The following TECPR2 variants were observed in gnomAD, a reference collection of about 807,000 sequenced individuals.
TECPR2 encodes the protein tectonin beta-propeller repeat-containing protein 2.
TECPR2 carries 65 observed loss-of-function variants against 138.1 expected under a neutral mutation model. The observed-to-expected ratio is 0.47, with a 90% CI of 0.39 to 0.58. TECPR2 has a LOEUF of 0.58. TECPR2 is among the 20% of genes least tolerant of loss of function. The probability of loss-of-function intolerance (pLI) is 0.00; values close to 1 mark genes in which losing one functional copy is unlikely to be tolerated. For missense variants in TECPR2, 1,553 were observed against 1,824.5 expected (o/e 0.85, Z 2.71); for synonymous variants, 746 against 749.8 (o/e 0.99, Z 0.08).
At chr14:102,421,681 T>C (rs776418192) in intron 5 of TECPR2, among the ~76,000 whole-genome samples, 2 of 152,178 alleles carry the variant, frequency 1.3e-5, no homozygotes, top group Non-Finnish European at 2.9e-5. Flanking sequence ...TTCAGGACAA[T>C]TGAGCACTTA....
Position 102,498,815 on chromosome 14 carries a change from A to C in TECPR2, c.*558A>C, listed in dbSNP as rs1246701031. ...CCAGGAAGCTGAGGCCGGGCTTGAG[A>C]GGAGAGCGCTGGCCATGCCAGGAGA... On this transcript the variant is annotated 3_prime_UTR_variant, in exon 20 of 20. Coordinates refer to ENST00000359520, the MANE Select transcript of TECPR2 (RefSeq NM_014844.5). The C allele has an allele frequency of 1.7e-6, 1 of 574,728 alleles. No homozygotes were observed. The highest frequency in any genetic ancestry group is 3.3e-6 in the Non-Finnish European group (1 of 301,632). 35.6% of individuals were successfully genotyped at this position (574,728 alleles called of 1,614,324 possible). A position where few individuals can be genotyped will look rare whatever the true frequency, so the allele number is the denominator to read the frequency against.
At chr14:102,453,566 G>A (rs538435247) in intron 16 of TECPR2, among the ~76,000 whole-genome samples, 181 of 152,028 alleles carry the variant, frequency 1.2e-3, no homozygotes, top group Non-Finnish European at 1.8e-4. Context: ...AATAACATAA[G>A]CCCACAACAT....
chr14:102,432,298 TAC>T (rs10650505), intron 8 of TECPR2, among the ~76,000 whole-genome samples, 170 bp downstream of exon 8: 104 of 148,408 alleles, frequency 7.0e-4, no homozygotes, highest in East Asian at 5.9e-3. Context: ...TAACGGAAAA[TAC>T]ACACACACAC....
intron 1 of TECPR2, among the ~76,000 whole-genome samples, chr14:102,365,185 T>G (rs1270383845): frequency 6.6e-6 from 1 of 152,232 alleles, no homozygotes; most frequent in African/African-American, 2.4e-5. Context: ...TACTCTTTAT[T>G]GGTCTTTTAA....
At chr14:102,397,381 CTG>C (rs1172669818) in intron 2 of TECPR2, among the ~76,000 whole-genome samples, 2 of 152,072 alleles carry the variant, frequency 1.3e-5, no homozygotes, top group African/African-American at 2.4e-5. Flanking sequence ...ACAACTGAAA[CTG>C]TGAGACCACA....
At chr14:102,462,806 G>A (rs558576108) in intron 16 of TECPR2, among the ~76,000 whole-genome samples, 4 of 152,298 alleles carry the variant, frequency 2.6e-5, no homozygotes, top group Admixed American at 6.5e-5. Context: ...TACAATGCAC[G>A]TATCTGACAA....
intron 13 of TECPR2, among the ~76,000 whole-genome samples, chr14:102,449,311 G>A (rs1457379417): frequency 6.6e-6 from 1 of 152,170 alleles, no homozygotes; most frequent in Non-Finnish European, 1.5e-5. Context: ...GGGGTGTGAG[G>A]GGGTGATAAT....
At chr14:102,402,870 A>C (rs528554903) in intron 2 of TECPR2, among the ~76,000 whole-genome samples, 11 of 152,316 alleles carry the variant, frequency 7.2e-5, no homozygotes, top group African/African-American at 2.6e-4. Context: ...TAGATCTATA[A>C]TTAGTAAGAG....
intron 17 of TECPR2, among the ~76,000 whole-genome samples, chr14:102,486,787 T>C (rs1035454857): frequency 6.6e-6 from 1 of 152,234 alleles, no homozygotes; most frequent in Non-Finnish European, 1.5e-5. Flanking sequence ...TCCTAGTGTG[T>C]CAGCCCTGGC....
rs115424947 is a variant in TECPR2, at chr14:102,479,838, G to T, written c.3789+14549G>T. Among the ~76,000 whole-genome samples the T allele has an allele frequency of 5.8e-3, 887 of 152,316 alleles. 5 individuals carry two copies. The highest frequency in any genetic ancestry group is 0.02 in the African/African-American group (849 of 41,570). ...TACTGCAAGACTTCCTTCCCAGCTG[G>T]CCTGCACGCAGGTGCCTTGGAGAGG... On this transcript the variant is annotated intron_variant, in intron 17 of 19. Transcript: ENST00000359520.
intron 6 of TECPR2, among the ~76,000 whole-genome samples, chr14:102,427,512 CT>C (rs1284412430): frequency 2.0e-5 from 3 of 152,184 alleles, no homozygotes; most frequent in Admixed American, 1.3e-4. Flanking sequence ...ATAGACTCTC[CT>C]TCTACAACAG....
chr14:102,408,720 C>T (rs1888733065), intron 4 of TECPR2, 101 bp downstream of exon 4: 1 of 1,235,070 alleles, frequency 8.1e-7, no homozygotes, highest in Admixed American at 2.6e-5. Flanking sequence ...TCTTGATCAT[C>T]ATCCCTTTAT....
chr14:102,476,206 C>CAAAAAAAAAAAAAAAAAAA (rs58293049), intron 17 of TECPR2, among the ~76,000 whole-genome samples: 1 of 59,682 alleles, frequency 1.7e-5, no homozygotes, highest in Non-Finnish European at 2.9e-5. Flanking sequence ...GACTCTGTCT[C>CAAAAAAAAAAAAAAAAAAA]AAAAAAAAAA....
chr14:102,491,546 C>G (rs1891160533), intron 17 of TECPR2, among the ~76,000 whole-genome samples: 1 of 152,230 alleles, frequency 6.6e-6, no homozygotes, highest in Non-Finnish European at 1.5e-5. Flanking sequence ...TGGCAGCTTC[C>G]CACGTCACTC....
chr14:102,448,640 C>T (rs985361001), intron 13 of TECPR2, among the ~76,000 whole-genome samples: 12 of 151,120 alleles, frequency 7.9e-5, no homozygotes, highest in African/African-American at 2.9e-4. Context: ...CCTGGGCGGG[C>T]GGATCACCTG....
In TECPR2 at chr14:102,465,144, C is replaced by T. The variant is rs767415507; in HGVS notation, c.3644C>T (p.Ala1215Val). The T allele has an allele frequency of 6.2e-7, 1 of 1,614,022 alleles. No individual in the cohort carries two copies. Among genetic ancestry groups the T allele is most frequent in the African/African-American group, 1.3e-5 (1 of 74,932 alleles). ...GTGTACTTTTCTTTATCTACAGGAG[C>T]TGTAAAATTGACAAGCTTGGCATGT... is the stretch of plus-strand genomic sequence containing the variant. Reference protein sequence around the residue: ...WTRLDLSQLGAVKLTSLACGN... With the variant: ...WTRLDLSQLGVVKLTSLACGN... Residue 1215 changes from alanine (A) to valine (V), a missense_variant, in exon 17 of 20, where the codon GCT (alanine) becomes GTT (valine). Transcript: ENST00000359520.
At chr14:102,405,030 G>A (rs1041216492) in intron 2 of TECPR2, among the ~76,000 whole-genome samples, 7 of 151,892 alleles carry the variant, frequency 4.6e-5, no homozygotes, top group East Asian at 1.9e-4. Context: ...CAAAATGGCC[G>A]GGGCCTGGTG....
chr14:102,424,782 A>G (rs1180723908), intron 5 of TECPR2, among the ~76,000 whole-genome samples, 197 bp from the exon 6 acceptor site: 3 of 152,176 alleles, frequency 2.0e-5, no homozygotes. Flanking sequence ...CACACCTGTG[A>G]GGGTGTGGTC....
intron 17 of TECPR2, among the ~76,000 whole-genome samples, chr14:102,478,860 A>C (rs1025521487): frequency 6.6e-6 from 1 of 151,892 alleles, no homozygotes; most frequent in Non-Finnish European, 1.5e-5. Context: ...TACCAAAAAT[A>C]CAAAAAATTA....
Sources: gnomAD v4.1 joint callset for allele counts (sites outside exome capture counted in the v4.1 genomes callset) on GRCh38, gnomAD v4.1.1 for gene constraint, MANE v1.5 for transcripts, NCBI Gene and HGNC (gene_info 2026-07-23, HGNC 2026-07-21) for gene names.